MAD1L1: variants seen among roughly 807,000 people sequenced by gnomAD.
MAD1L1 encodes mitotic arrest deficient 1 like 1.
Under a neutral mutation model 96.9 loss-of-function variants are expected in MAD1L1, and 95 were observed. The observed-to-expected ratio is 0.98, with a 90% CI of 0.83 to 1.16. The LOEUF is 1.16. MAD1L1 is among the 50% of genes most tolerant of loss of function. MAD1L1 has a pLI of 0.00. For missense variants in MAD1L1, 1,007 were observed against 954.4 expected (o/e 1.06, Z -0.73); for synonymous variants, 473 against 396.6 (o/e 1.19, Z -2.29).
chr7:1,843,155 T>C (rs960669744), intron 18 of MAD1L1, among the ~76,000 whole-genome samples: 4 of 152,144 alleles, frequency 2.6e-5, no homozygotes, highest in Non-Finnish European at 5.9e-5. Context: ...TCCTGTGTAA[T>C]TAGGGTCTGG....
At chr7:2,182,774 C>A (rs779444999) in intron 10 of MAD1L1, among the ~76,000 whole-genome samples, 3 of 152,172 alleles carry the variant, frequency 2.0e-5, no homozygotes, top group Non-Finnish European at 4.4e-5. Context: ...AGACAAAGAG[C>A]AGAGGAGTGA....
intron 12 of MAD1L1, among the ~76,000 whole-genome samples, chr7:2,034,980 C>T (rs1462801763): frequency 6.6e-6 from 1 of 152,274 alleles, no homozygotes; most frequent in Non-Finnish European, 1.5e-5. Context: ...AGACCCAAAC[C>T]TGAGGCCCAG....
At chr7:1,871,223 G>A (rs1165995481) in intron 18 of MAD1L1, among the ~76,000 whole-genome samples, 3 of 125,468 alleles carry the variant, frequency 2.4e-5, no homozygotes, top group Non-Finnish European at 4.9e-5. Flanking sequence ...CACCTGCCAC[G>A]CTGAACCCAA....
At chr7:2,164,834 C>A (rs1342924101) in intron 10 of MAD1L1, among the ~76,000 whole-genome samples, 2 of 152,106 alleles carry the variant, frequency 1.3e-5, no homozygotes, top group Non-Finnish European at 2.9e-5. Flanking sequence ...CTGAGTGGCT[C>A]GCTAAGGAGG....
chr7:1,878,552 T>C (rs1785503905), intron 18 of MAD1L1, among the ~76,000 whole-genome samples: 1 of 147,378 alleles, frequency 6.8e-6, no homozygotes, highest in Admixed American at 7.1e-5. Flanking sequence ...ATTAAGTTCA[T>C]ATGAACATCT....
intron 12 of MAD1L1, among the ~76,000 whole-genome samples, chr7:2,052,460 C>T (rs143333326): frequency 4.7e-4 from 71 of 152,220 alleles, no homozygotes; most frequent in African/African-American, 1.6e-3. Context: ...GGGCGCCGGA[C>T]AGCTCACTAG....
intron 18 of MAD1L1, among the ~76,000 whole-genome samples, chr7:1,827,497 G>C (rs1441204046): frequency 8.5e-4 from 115 of 135,014 alleles, no homozygotes; most frequent in Admixed American, 2.9e-3. Context: ...TCCTGAGCCC[G>C]TCCCGGGTGT....
In MAD1L1 at chr7:1,816,056, C is replaced by CCCGAGCCTGCAGGCTACGCCACGGT; in HGVS notation, c.2146_*13dup. ...CAAGCAGAGTGGCTCCGGCTATGCC[C>CCCGAGCCTGCAGGCTACGCCACGGT]CCGAGCCTGCAGGCTACGCCACGGT... On this transcript the variant is annotated 3_prime_UTR_variant, in exon 19 of 19. Transcript: ENST00000265854. 6.2e-7 allele frequency: 1 copy of CCCGAGCCTGCAGGCTACGCCACGGT among 1,601,346 alleles called. No individual in the cohort carries two copies. The highest frequency in any genetic ancestry group is 8.5e-7 in the Non-Finnish European group (1 of 1,173,198).
intron 10 of MAD1L1, among the ~76,000 whole-genome samples, chr7:2,186,923 A>G (rs956390301): frequency 1.3e-5 from 2 of 151,556 alleles, no homozygotes; most frequent in Non-Finnish European, 2.9e-5. Flanking sequence ...CCTCCCCAGT[A>G]GCTGGGATTA....
chr7:2,103,603 C>A lies in MAD1L1; in HGVS notation c.1074-34265G>T, dbSNP rs188764514. Among the ~76,000 whole-genome samples, 3 of 152,246 alleles carry A rather than the reference C, an allele frequency of 2.0e-5. No homozygotes were observed. In the East Asian group the frequency reaches 5.8e-4, roughly 29 times the overall value. ...CACCAGGCAGCCCTGGGAGCCCCTG[C>A]GAAGGCCTCTCAGGAGCCGGGCAGC... On this transcript the variant is annotated intron_variant, in intron 11 of 18. Transcript: ENST00000265854. This position sits in a 1 kb window ranked among gnomAD's most constrained non-coding sequence, Gnocchi z 4.3.
At chr7:2,096,410 C>T (rs1320109225) in intron 11 of MAD1L1, among the ~76,000 whole-genome samples, 1 of 152,182 alleles carries the variant, frequency 6.6e-6, no homozygotes, top group Non-Finnish European at 1.5e-5. Context: ...TGAGCCTGGC[C>T]GAACCTCAGT....
intron 10 of MAD1L1, among the ~76,000 whole-genome samples, chr7:2,205,836 G>C (rs1333670243): frequency 6.6e-6 from 1 of 152,150 alleles, no homozygotes; most frequent in African/African-American, 2.4e-5. Flanking sequence ...CTCTTGTAAA[G>C]TATCTGTTAA....
At chr7:1,817,825 T>G (rs889517127) in intron 18 of MAD1L1, among the ~76,000 whole-genome samples, 1 of 152,154 alleles carries the variant, frequency 6.6e-6, no homozygotes. Flanking sequence ...AGCTTGGTCC[T>G]GGCAGCTCCC....
intron 16 of MAD1L1, among the ~76,000 whole-genome samples, chr7:1,940,997 T>TCACCCTCCTCTTCCTCTCC (rs1270366121): frequency 6.6e-5 from 10 of 150,768 alleles, no homozygotes; most frequent in East Asian, 3.9e-4. Context: ...CTCCCAGGCC[T>TCACCCTCCTCTTCCTCTCC]CAGCCTCCTC....
rs1794141204 is a variant in MAD1L1, at chr7:2,230,546, C to CA, written c.-11+2dup. 5.4e-6 allele frequency: 1 copy of CA among 183,898 alleles called. No individual in the cohort carries two copies. Among genetic ancestry groups the CA allele is most frequent in the Admixed American group, 5.4e-5 (1 of 18,620 alleles). 11.4% of individuals were successfully genotyped at this position (183,898 alleles called of 1,614,324 possible). A position where few individuals can be genotyped will look rare whatever the true frequency, so the allele number is the denominator to read the frequency against. Reference sequence around the variant, plus strand: ...AAGGGCTTTATTGGGGAAACTGACTCACGCGATTACAGAGACTGTCCCACA... The same window carrying CA: ...AAGGGCTTTATTGGGGAAACTGACTCAACGCGATTACAGAGACTGTCCCACA... On this transcript the variant is annotated splice_region_variant and intron_variant, in intron 2 of 18. Coordinates refer to ENST00000265854, the MANE Select transcript of MAD1L1 (RefSeq NM_001013836.2).
chr7:2,013,067 T>G (rs1056716838), intron 13 of MAD1L1, among the ~76,000 whole-genome samples: 1 of 152,248 alleles, frequency 6.6e-6, no homozygotes, highest in Non-Finnish European at 1.5e-5. Context: ...TGTTTGTTCA[T>G]TAAATGTCTC....
chr7:2,004,222 G>A (rs565879100), intron 13 of MAD1L1, among the ~76,000 whole-genome samples: 12 of 152,300 alleles, frequency 7.9e-5, no homozygotes, highest in African/African-American at 2.9e-4. Flanking sequence ...GAGGTGGCCT[G>A]GGCAGTGAGA....
At chr7:1,838,943 C>A in intron 18 of MAD1L1, 1 of 406,976 alleles carries the variant, frequency 2.5e-6, no homozygotes, top group South Asian at 1.8e-5. Flanking sequence ...TGTGCAAAGA[C>A]ACGCCGGGCT....
At chr7:2,047,991 T>G (rs1229365468) in intron 12 of MAD1L1, among the ~76,000 whole-genome samples, 2 of 151,964 alleles carry the variant, frequency 1.3e-5, no homozygotes, top group African/African-American at 4.8e-5. Context: ...CACACAGAAC[T>G]CACACAGCAC....
Sources: allele counts gnomAD v4.1 joint callset (sites outside exome capture counted in the v4.1 genomes callset), GRCh38; gene constraint gnomAD v4.1.1; non-coding constraint Gnocchi (gnomAD v3.1); transcripts MANE v1.5; gene names NCBI Gene and HGNC (gene_info 2026-07-23, HGNC 2026-07-21).